The following TCF12 variants were observed in gnomAD, a reference collection of about 807,000 sequenced individuals.
The protein encoded by TCF12 is DNA-binding protein HTF4.
A neutral mutation model predicts 86.0 loss-of-function variants in TCF12; 45 were observed. That is an observed-to-expected ratio of 0.52 (90% confidence interval 0.41 to 0.67). TCF12 has a LOEUF of 0.67. TCF12 is among the 30% of genes least tolerant of loss of function. TCF12 has a pLI of 0.00. For missense variants in TCF12, 881 were observed against 859.9 expected, an observed-to-expected ratio of 1.02 and a Z score of -0.31; for synonymous variants, 330 against 299.6, an observed-to-expected ratio of 1.10 and a Z score of -1.05.
At chr15:57,197,381 C>T (rs1490066244) in intron 7 of TCF12, among the ~76,000 whole-genome samples, 1 of 152,056 alleles carries the variant, frequency 6.6e-6, no homozygotes, top group Non-Finnish European at 1.5e-5. Flanking sequence ...TGGTCTCAAA[C>T]TCCTGACCTC....
chr15:57,259,393 C>T (rs774487239), intron 16 of TCF12, among the ~76,000 whole-genome samples: 3 of 152,126 alleles, frequency 2.0e-5, no homozygotes, highest in Admixed American at 6.5e-5. Flanking sequence ...TATTAGAATA[C>T]GATTCAAAAT....
intron 3 of TCF12, among the ~76,000 whole-genome samples, chr15:57,012,076 A>G (rs1391886388): frequency 6.6e-6 from 1 of 152,152 alleles, no homozygotes; most frequent in Non-Finnish European, 1.5e-5. Context: ...CTTCTTAAGC[A>G]GGGATCTTAA....
At chr15:57,068,436 A>G (rs182729777) in intron 4 of TCF12, among the ~76,000 whole-genome samples, 26 of 152,336 alleles carry the variant, frequency 1.7e-4, no homozygotes, top group Admixed American at 1.6e-3. Flanking sequence ...CGACTCAGTC[A>G]TGCTTAATTT....
At chr15:57,012,705 T>C (rs1443112721) in intron 3 of TCF12, among the ~76,000 whole-genome samples, 15 of 152,182 alleles carry the variant, frequency 9.9e-5, no homozygotes, top group Admixed American at 9.8e-4. Context: ...TAGGCCCTTA[T>C]ATAGCTTTGC....
intron 8 of TCF12, among the ~76,000 whole-genome samples, chr15:57,227,250 G>C (rs2058931518): frequency 6.6e-6 from 1 of 152,062 alleles, no homozygotes; most frequent in South Asian, 2.1e-4. Context: ...CTCAATAACA[G>C]AAAGTCATTA....
intron 3 of TCF12, among the ~76,000 whole-genome samples, chr15:57,053,371 C>T (rs1332390387): frequency 6.6e-6 from 1 of 152,126 alleles, no homozygotes; most frequent in Non-Finnish European, 1.5e-5. Flanking sequence ...TGGACGTTAA[C>T]CCCTTATCAA....
At chr15:57,024,570 G>T (rs1246701520) in intron 3 of TCF12, among the ~76,000 whole-genome samples, 11 of 152,164 alleles carry the variant, frequency 7.2e-5, no homozygotes, top group Admixed American at 7.2e-4. Flanking sequence ...ATACAAGAGA[G>T]TAACATAGTA....
intron 8 of TCF12, among the ~76,000 whole-genome samples, chr15:57,201,678 A>T (rs2057549838): frequency 6.6e-6 from 1 of 152,206 alleles, no homozygotes; most frequent in Non-Finnish European, 1.5e-5. Context: ...GTTCTGGCCA[A>T]GAGATAATGG....
chr15:57,050,160 A>G (rs2067513920), intron 3 of TCF12, among the ~76,000 whole-genome samples: 1 of 152,230 alleles, frequency 6.6e-6, no homozygotes, highest in Non-Finnish European at 1.5e-5. Flanking sequence ...TTTCAAAACA[A>G]CTGTAGTTTC....
chr15:57,275,679 A>T (rs1461475123), intron 19 of TCF12, among the ~76,000 whole-genome samples: 3 of 151,860 alleles, frequency 2.0e-5, no homozygotes, highest in African/African-American at 7.3e-5. Flanking sequence ...CTGATCCAAC[A>T]CTTTCTATAA....
At chr15:57,011,326 A>G (rs959946532) in intron 3 of TCF12, among the ~76,000 whole-genome samples, 6 of 152,074 alleles carry the variant, frequency 3.9e-5, no homozygotes, top group East Asian at 3.9e-4. Context: ...CTGGTTGTTT[A>G]TAAGTCAGGG....
At chr15:56,999,387 C>A (rs1440969554) in intron 3 of TCF12, among the ~76,000 whole-genome samples, 1 of 128,218 alleles carries the variant, frequency 7.8e-6, no homozygotes, top group African/African-American at 3.0e-5. Context: ...AAAGGGAAGA[C>A]ATAAAAAACT....
Position 57,197,799 on chromosome 15 carries a change from A to C in TCF12, c.553A>C (p.Lys185Gln). The C allele has an allele frequency of 6.2e-7, 1 of 1,614,070 alleles. No individual in the cohort carries two copies. The highest frequency in any genetic ancestry group is 8.5e-7 in the Non-Finnish European group (1 of 1,179,958). Reference protein sequence around the residue: ...LDPLQAKKVRKVPPGLPSSVY... With the variant: ...LDPLQAKKVRQVPPGLPSSVY... Reference sequence around the variant, plus strand: ...TCCCTTGCAAGCAAAAAAAGTCAGAAAGGTGCCTCCTGGTTTGCCTTCTTC... The same window carrying C: ...TCCCTTGCAAGCAAAAAAAGTCAGACAGGTGCCTCCTGGTTTGCCTTCTTC... The change falls in exon 8 of 21, where the codon AAG becomes CAG. Residue 185 changes from lysine to glutamine, a missense_variant. Transcript: ENST00000333725.
intron 3 of TCF12, among the ~76,000 whole-genome samples, chr15:57,002,632 T>C (rs2064117550): frequency 6.6e-6 from 1 of 152,180 alleles, no homozygotes; most frequent in Non-Finnish European, 1.5e-5. Context: ...CATAGATATA[T>C]CCCAATTCAA....
rs186618178 is a variant in TCF12 at position 57,149,829 on chromosome 15, A to G, written c.326-16573A>G. Among the ~76,000 whole-genome samples the G allele has an allele frequency of 1.3e-3, 196 of 152,272 alleles. 3 individuals carry two copies. Among genetic ancestry groups the G allele is most frequent in the Admixed American group, 3.3e-3 (50 of 15,296 alleles). On this transcript the variant is annotated intron_variant, in intron 5 of 20. Coordinates refer to ENST00000333725, the MANE Select transcript of TCF12 (RefSeq NM_207037.2). ...CAGAAGTCAAGTTTTGTTATGTTCT[A>G]TCTTTTTCTGATCTGTAAAAATGGG...
In TCF12 at chr15:57,013,139, A is replaced by G. The variant is rs1202640780; in HGVS notation, c.149-50611A>G. 2.0e-5 allele frequency among the ~76,000 whole-genome samples: 3 copies of G among 152,028 alleles called. 1 individual carries two copies. Among genetic ancestry groups the G allele is most frequent in the Non-Finnish European group, 4.4e-5 (3 of 67,998 alleles). On this transcript the variant is annotated intron_variant, in intron 3 of 20. Coordinates refer to ENST00000333725, the MANE Select transcript of TCF12 (RefSeq NM_207037.2). ...GATAATCTGCCTCAGATGGCGTGGCAGTGTGTTAGGAAGGCAAAGAGAATA... is the reference window on the plus strand; with the variant it reads ...GATAATCTGCCTCAGATGGCGTGGCGGTGTGTTAGGAAGGCAAAGAGAATA...
intron 5 of TCF12, among the ~76,000 whole-genome samples, chr15:57,156,518 C>T (rs185535996): frequency 2.3e-3 from 345 of 152,320 alleles, no homozygotes; most frequent in Non-Finnish European, 2.3e-3. Context: ...TAGTTTCTTT[C>T]CTTCTCTTCC....
At chr15:57,233,299 C>T (rs2059242633) in intron 11 of TCF12, among the ~76,000 whole-genome samples, 2 of 151,820 alleles carry the variant, frequency 1.3e-5, no homozygotes, top group Admixed American at 1.3e-4. Flanking sequence ...CCTCAGCCTC[C>T]CCAGTAGCTG....
chr15:56,954,520 T>C (rs2061418903), intron 3 of TCF12, among the ~76,000 whole-genome samples: 1 of 152,200 alleles, frequency 6.6e-6, no homozygotes, highest in African/African-American at 2.4e-5. Context: ...GGCAAGGACT[T>C]CATGACTAAA....
Sources: gnomAD v4.1 joint callset for allele counts (sites outside exome capture counted in the v4.1 genomes callset) on GRCh38, gnomAD v4.1.1 for gene constraint, MANE v1.5 for transcripts, NCBI Gene and HGNC (gene_info 2026-07-23, HGNC 2026-07-21) for gene names.